The following P2RX7 variants were observed in gnomAD, a reference collection of about 807,000 sequenced individuals.
P2RX7 encodes P2X purinoceptor 7.
P2RX7 carries 62 observed loss-of-function variants against 71.6 expected under a neutral mutation model. The observed-to-expected ratio is 0.87, with a 90% CI of 0.71 to 1.07. P2RX7 has a LOEUF of 1.07. P2RX7 is among the 50% of genes least tolerant of loss of function. The pLI, the probability that P2RX7 is intolerant of heterozygous loss-of-function variation, is 0.00. For missense variants in P2RX7, 686 were observed against 748.5 expected, an observed-to-expected ratio of 0.92 and a Z score of 0.97; for synonymous variants, 299 against 283.3, an observed-to-expected ratio of 1.06 and a Z score of -0.56.
At chr12:121,158,488 G>T (rs976967088) in intron 3 of P2RX7, among the ~76,000 whole-genome samples, 2 of 152,128 alleles carry the variant, frequency 1.3e-5, no homozygotes, top group South Asian at 2.1e-4. Flanking sequence ...AGTGGCTCAG[G>T]TTCCTCAAAA....
In P2RX7 at chr12:121,162,484, C is replaced by T; in HGVS notation, c.497C>T (p.Ala166Val). 1 of 1,613,744 alleles carries T rather than the reference C, an allele frequency of 6.2e-7. No homozygotes were observed. The highest frequency in any genetic ancestry group is 8.5e-7 in the Non-Finnish European group (1 of 1,179,996). Residue 166 changes from alanine (A) to valine (V), a missense_variant, in exon 5 of 13, where the codon GCC becomes GTC. Transcript: ENST00000328963. ...AACCAGAAGACCTGTGAAGTCTCTG[C>T]CTGGTGCCCCATCGAGGCAGTGGAA... Reference protein sequence around the residue: ...EGNQKTCEVSAWCPIEAVEEA... With the variant: ...EGNQKTCEVSVWCPIEAVEEA...
At chr12:121,151,594 C>T (rs940805617) in intron 1 of P2RX7, among the ~76,000 whole-genome samples, 3 of 150,660 alleles carry the variant, frequency 2.0e-5, no homozygotes, top group Admixed American at 6.6e-5. Flanking sequence ...TATATGTCTA[C>T]ATATATAAAA....
Position 121,154,683 on chromosome 12 carries a change from C to A in P2RX7, c.126-102C>A. 1.3e-6 allele frequency: 1 copy of A among 792,190 alleles called. No individual in the cohort carries two copies. The highest frequency in any genetic ancestry group is 2.3e-6 in the Non-Finnish European group (1 of 439,482). 49.1% of individuals were successfully genotyped at this position (792,190 alleles called of 1,614,324 possible). A position where few individuals can be genotyped will look rare whatever the true frequency, so the allele number is the denominator to read the frequency against. ...AGTCACACGGAAGCAAGTCACGCAG[C>A]AGAGCTAGGATTGGAACAGAAGTGC... is the stretch of plus-strand genomic sequence containing the variant. On this transcript the variant is annotated intron_variant, in intron 1 of 12. Transcript: ENST00000328963. This position sits in a 1 kb window ranked among gnomAD's most constrained non-coding sequence, Gnocchi z 4.2.
chr12:121,140,674 C>T (rs937331066), intron 1 of P2RX7, among the ~76,000 whole-genome samples: 4 of 152,142 alleles, frequency 2.6e-5, no homozygotes, highest in Non-Finnish European at 4.4e-5. Flanking sequence ...AGGACTAACA[C>T]GGAACTGTGA....
intron 1 of P2RX7, among the ~76,000 whole-genome samples, chr12:121,142,342 G>A (rs1367389411): frequency 6.6e-6 from 1 of 152,156 alleles, no homozygotes; most frequent in Non-Finnish European, 1.5e-5. Flanking sequence ...TCAGCCTGGG[G>A]CCACTCTCAG....
At position 121,184,764 on chromosome 12, in the gene P2RX7, A is replaced by G. The variant is rs1364568319; in HGVS notation, c.1750A>G (p.Ser584Gly). The change falls in exon 13 of 13, where the codon AGT (serine) becomes GGT (glycine). Residue 584 changes from serine (S) to glycine (G), a missense_variant. Transcript: ENST00000328963. ...RWRIRKEFPKSEGQYSGFKSP... is the reference protein window; with the variant it reads ...RWRIRKEFPKGEGQYSGFKSP... ...GAGGATCCGGAAAGAGTTTCCGAAG[A>G]GTGAAGGGCAGTACAGTGGCTTCAA... 3 of 1,552,036 alleles carry G rather than the reference A, an allele frequency of 1.9e-6. No homozygotes were observed. In the East Asian group the frequency reaches 7.3e-5, roughly 38 times the overall value.
In P2RX7 at chr12:121,155,792, TAAAAAAAAAACA is replaced by T. The variant is rs869270368; in HGVS notation, c.295-282_295-271del. 2.4e-3 allele frequency among the ~76,000 whole-genome samples: 348 copies of T among 146,260 alleles called. 2 individuals carry two copies. The highest frequency in any genetic ancestry group is 8.2e-3 in the African/African-American group (324 of 39,334). On this transcript the variant is annotated intron_variant, in intron 2 of 12. Coordinates refer to ENST00000328963, the MANE Select transcript of P2RX7 (RefSeq NM_002562.6). ...TCAATTTAATGAGATTTTTACTGCG[TAAAAAAAAAACA>T]AAAACAAAAACAAAAACATGAAAAG...
intron 1 of P2RX7, among the ~76,000 whole-genome samples, chr12:121,151,245 C>CTT (rs907199510): frequency 2.8e-5 from 4 of 144,386 alleles, no homozygotes; most frequent in East Asian, 2.0e-4. Flanking sequence ...AAATGAAATC[C>CTT]TTTTTTTTTT....
chr12:121,142,756 G>A (rs533478403), intron 1 of P2RX7, among the ~76,000 whole-genome samples: 137 of 152,190 alleles, frequency 9.0e-4, no homozygotes, highest in Admixed American at 1.5e-3. Context: ...AGCACTCAGG[G>A]CCCACCTGGA....
In P2RX7 at chr12:121,136,023, A is replaced by ATAT. The variant is rs1281670064; in HGVS notation, c.125+2928_125+2929insTAT. ...TGTCTCAAAAAAAAAAAAAAAAAAA[A>ATAT]ATATATATATATATATATAGTATTT... On this transcript the variant is annotated intron_variant, in intron 1 of 12. Transcript: ENST00000328963. 3.6e-3 allele frequency among the ~76,000 whole-genome samples: 55 copies of ATAT among 15,264 alleles called. 1 individual carries two copies. Among genetic ancestry groups the ATAT allele is most frequent in the Admixed American group, 0.02 (12 of 600 alleles). The allele number at this position is 15,264 out of a possible 152,430, so 10.0% of individuals were successfully genotyped here.
chr12:121,133,209 C>G, intron 1 of P2RX7, 114 bp downstream of exon 1: 1 of 1,212,910 alleles, frequency 8.2e-7, no homozygotes, highest in Middle Eastern at 2.3e-4. Flanking sequence ...GAATCTGAGA[C>G]GTGCTCTCAC....
rs778914967 is a variant in P2RX7 at position 121,167,632 on chromosome 12, C to T, written c.881+8C>T. 1 of 1,552,032 alleles carries T rather than the reference C, an allele frequency of 6.4e-7. No homozygotes were observed. The highest frequency in any genetic ancestry group is 1.9e-5 in the Admixed American group (1 of 53,318). ...CCCTGGCTACAACTTCAGGTAACTC[C>T]AAGGCCCAGGTCAAACTCACCCAGT... On this transcript the variant is annotated splice_region_variant and intron_variant, in intron 8 of 12. Coordinates refer to ENST00000328963, the MANE Select transcript of P2RX7 (RefSeq NM_002562.6).
At chr12:121,153,613 A>G (rs1017148993) in intron 1 of P2RX7, among the ~76,000 whole-genome samples, 9 of 152,052 alleles carry the variant, frequency 5.9e-5, no homozygotes, top group African/African-American at 1.9e-4. Context: ...GGCAGGCAGA[A>G]GTTGCAGTGA....
chr12:121,156,494 G>A (rs1309608403), intron 3 of P2RX7, among the ~76,000 whole-genome samples: 1 of 152,214 alleles, frequency 6.6e-6, no homozygotes, highest in East Asian at 1.9e-4. Flanking sequence ...TTTACTTGAG[G>A]CTCACAATGA....
rs1379645700 is a variant in P2RX7 at position 121,160,777 on chromosome 12, T to C, written c.364-125T>C. 4 of 816,798 alleles carry C rather than the reference T, an allele frequency of 4.9e-6. No individual in the cohort carries two copies. In the African/African-American group the frequency reaches 5.0e-5, roughly 10 times the overall value. 50.6% of individuals were successfully genotyped at this position (816,798 alleles called of 1,614,324 possible). ...GGCCACTTGCGTGGTTTCCACTTTT[T>C]TGGCGATTCTGAGTAGTGCTGCTAT... On this transcript the variant is annotated intron_variant, in intron 3 of 12. Coordinates refer to ENST00000328963, the MANE Select transcript of P2RX7 (RefSeq NM_002562.6).
intron 1 of P2RX7, among the ~76,000 whole-genome samples, chr12:121,146,350 T>C (rs1034667922): frequency 3.7e-5 from 5 of 134,650 alleles, no homozygotes; most frequent in Non-Finnish European, 7.7e-5. Context: ...CTGGAGGGCA[T>C]GGCACAATCT....
chr12:121,142,867 T>C (rs1465759308), intron 1 of P2RX7, among the ~76,000 whole-genome samples: 7 of 151,984 alleles, frequency 4.6e-5, no homozygotes, highest in Non-Finnish European at 1.0e-4. Flanking sequence ...GACAGGTGGA[T>C]CACTTGAGGT....
At chr12:121,142,195 A>G (rs1875048037) in intron 1 of P2RX7, among the ~76,000 whole-genome samples, 1 of 152,228 alleles carries the variant, frequency 6.6e-6, no homozygotes, top group African/African-American at 2.4e-5. Flanking sequence ...ACAGTCCCAC[A>G]GGCCTAAATC....
At chr12:121,171,965 G>T (rs1018302644) in intron 8 of P2RX7, among the ~76,000 whole-genome samples, 28 of 150,484 alleles carry the variant, frequency 1.9e-4, no homozygotes, top group Non-Finnish European at 1.5e-5. Flanking sequence ...GGGTTCACAC[G>T]ATTCTCTTGC....
Sources: gnomAD v4.1 joint callset for allele counts (sites outside exome capture counted in the v4.1 genomes callset) on GRCh38, gnomAD v4.1.1 for gene constraint, Gnocchi (gnomAD v3.1) non-coding constraint, MANE v1.5 for transcripts, NCBI Gene and HGNC (gene_info 2026-07-23, HGNC 2026-07-21) for gene names.